ZNF804B: variants seen among roughly 807,000 people sequenced by gnomAD.
ZNF804B encodes the protein zinc finger 804B.
In ZNF804B, 80 loss-of-function variants were observed where a neutral mutation model predicts 101.4. The ratio of observed to expected loss-of-function variants is 0.79; its 90% CI spans 0.66 to 0.95. ZNF804B has a LOEUF of 0.95. Among genes scored for constraint, ZNF804B ranks in the 40% least tolerant of loss-of-function variants. ZNF804B has a pLI of 0.00. For synonymous variants in ZNF804B, 622 were observed against 558.8 expected (o/e 1.11, Z -1.59); for missense variants, 1,673 against 1,561.9 (o/e 1.07, Z -1.20).
chr7:88,776,568 T>TTG (rs1790144524), intron 1 of ZNF804B, among the ~76,000 whole-genome samples: 1 of 134,416 alleles, frequency 7.4e-6, no homozygotes, highest in African/African-American at 3.2e-5. Context: ...TTGTTTTTTT[T>TTG]TTTTTTTTTT....
intron 1 of ZNF804B, among the ~76,000 whole-genome samples, chr7:88,941,003 A>C (rs1793047510): frequency 6.6e-6 from 1 of 151,904 alleles, no homozygotes. Context: ...TCAGAGGGCA[A>C]ATAAGCATAT....
chr7:88,843,234 A>G (rs1791313469), intron 1 of ZNF804B, among the ~76,000 whole-genome samples: 1 of 152,118 alleles, frequency 6.6e-6, no homozygotes. Context: ...TTCTAGCACT[A>G]TTTACTTATT....
At chr7:88,791,685 A>G (rs1291322166) in intron 1 of ZNF804B, among the ~76,000 whole-genome samples, 1 of 152,138 alleles carries the variant, frequency 6.6e-6, no homozygotes, top group Non-Finnish European at 1.5e-5. Context: ...GTACATTTTT[A>G]CCAGTAGCTA....
At chr7:89,124,937 G>T (rs1790457291) in intron 1 of ZNF804B, among the ~76,000 whole-genome samples, 1 of 151,916 alleles carries the variant, frequency 6.6e-6, no homozygotes, top group Admixed American at 6.6e-5. Flanking sequence ...AGGACTGGCT[G>T]GATAGCGTTA....
intron 1 of ZNF804B, among the ~76,000 whole-genome samples, chr7:88,998,224 C>T (rs1788228020): frequency 6.6e-6 from 1 of 152,068 alleles, no homozygotes; most frequent in Non-Finnish European, 1.5e-5. Context: ...TGCTCCCCAT[C>T]CATATAATCC....
intron 1 of ZNF804B, among the ~76,000 whole-genome samples, chr7:88,785,400 T>C (rs1454653026): frequency 6.6e-6 from 1 of 152,138 alleles, no homozygotes; most frequent in Non-Finnish European, 1.5e-5. Flanking sequence ...AGACTTCTAT[T>C]ATCTCTTTCC....
intron 1 of ZNF804B, among the ~76,000 whole-genome samples, chr7:88,937,329 C>T (rs767933751): frequency 6.6e-5 from 10 of 152,036 alleles, no homozygotes; most frequent in Non-Finnish European, 1.2e-4. Flanking sequence ...AATACTTCAT[C>T]TCAAACAATG....
intron 1 of ZNF804B, among the ~76,000 whole-genome samples, chr7:88,893,701 T>C (rs1303143529): frequency 2.0e-5 from 3 of 152,188 alleles, no homozygotes. Context: ...TCCCAGCATT[T>C]AGCTTGAAAA....
rs541299699 is a variant in ZNF804B, at chr7:89,307,256, A to C, written c.250-20088A>C. On this transcript the variant is annotated intron_variant, in intron 2 of 3. Transcript: ENST00000333190. ...TACATAATAAATATTTGAAGATATA[A>C]AGCACACAATGAACCATGCATAGAA... Among the ~76,000 whole-genome samples the C allele has an allele frequency of 3.2e-4, 48 of 152,142 alleles. No individual in the cohort carries two copies. The South Asian group carries it at 9.9e-3, about 31-fold the overall frequency.
intron 2 of ZNF804B, among the ~76,000 whole-genome samples, chr7:89,218,567 C>T (rs1370510831): frequency 6.6e-6 from 1 of 152,128 alleles, no homozygotes; most frequent in African/African-American, 2.4e-5. Flanking sequence ...AACCCTTAAA[C>T]AACACAGTGG....
intron 1 of ZNF804B, among the ~76,000 whole-genome samples, chr7:88,841,656 A>G (rs1039784563): frequency 4.6e-5 from 7 of 152,288 alleles, no homozygotes; most frequent in African/African-American, 1.4e-4. Flanking sequence ...AAATCCTTCT[A>G]GAAAATTATT....
At chr7:89,131,797 T>G in intron 1 of ZNF804B, among the ~76,000 whole-genome samples, 1 of 152,012 alleles carries the variant, frequency 6.6e-6, no homozygotes, top group Non-Finnish European at 1.5e-5. Flanking sequence ...TAACTCCTCA[T>G]TCTCCTGAGG....
intron 1 of ZNF804B, among the ~76,000 whole-genome samples, chr7:89,166,120 T>C (rs1447483561): frequency 6.6e-6 from 1 of 152,158 alleles, no homozygotes; most frequent in East Asian, 1.9e-4. Flanking sequence ...ACAAATGCAA[T>C]GCCTTCAAGT....
chr7:89,158,629 T>C (rs561504500), intron 1 of ZNF804B, among the ~76,000 whole-genome samples: 1 of 152,298 alleles, frequency 6.6e-6, no homozygotes, highest in South Asian at 2.1e-4. Flanking sequence ...ATACCTAGTT[T>C]TTCTCGATGA....
chr7:89,177,781 C>T (rs1433615809), intron 1 of ZNF804B, among the ~76,000 whole-genome samples: 2 of 151,766 alleles, frequency 1.3e-5, no homozygotes, highest in African/African-American at 4.8e-5. Flanking sequence ...TGGCCAGGTG[C>T]GTTGCTCACG....
At chr7:88,958,618 G>A (rs1472690867) in intron 1 of ZNF804B, among the ~76,000 whole-genome samples, 1 of 151,420 alleles carries the variant, frequency 6.6e-6, no homozygotes, top group Non-Finnish European at 1.5e-5. Flanking sequence ...CTCACCATAT[G>A]TGTGATTATA....
At chr7:89,270,990 T>C (rs532407137) in intron 2 of ZNF804B, among the ~76,000 whole-genome samples, 2 of 152,308 alleles carry the variant, frequency 1.3e-5, no homozygotes, top group African/African-American at 4.8e-5. Context: ...GTTTTCTAGA[T>C]ATACAATCAT....
chr7:89,088,636 C>T (rs575232654), intron 1 of ZNF804B, among the ~76,000 whole-genome samples: 24 of 146,578 alleles, frequency 1.6e-4, no homozygotes, highest in Middle Eastern at 6.8e-3. Context: ...CTCCTGCATC[C>T]TAGATAAGAG....
intron 1 of ZNF804B, among the ~76,000 whole-genome samples, chr7:88,973,361 C>T (rs1047124147): frequency 1.3e-5 from 2 of 151,216 alleles, no homozygotes; most frequent in African/African-American, 4.8e-5. Flanking sequence ...GTACCAAAAG[C>T]CACAAGAAGA....
Sources: gnomAD v4.1 joint callset for allele counts (sites outside exome capture counted in the v4.1 genomes callset) on GRCh38, gnomAD v4.1.1 for gene constraint, MANE v1.5 for transcripts, NCBI Gene and HGNC (gene_info 2026-07-23, HGNC 2026-07-21) for gene names.